Variants in MEGF6 observed in about 807,000 individuals in gnomAD.
The protein encoded by MEGF6 is multiple epidermal growth factor-like domains protein 6.
Under a neutral mutation model 207.1 loss-of-function variants are expected in MEGF6, and 184 were observed. That is an observed-to-expected ratio of 0.89 (90% CI 0.79 to 1.00). MEGF6 has a LOEUF of 1.00. MEGF6 is among the 50% of genes least tolerant of loss of function. The probability of loss-of-function intolerance (pLI) is 0.00; values close to 1 mark genes in which losing one functional copy is unlikely to be tolerated. For synonymous variants in MEGF6, 1,038 were observed against 910.0 expected (o/e 1.14, Z -2.53); for missense variants, 2,282 against 2,202.9 (o/e 1.04, Z -0.72).
At position 3,494,450 on chromosome 1, in the gene MEGF6, G is replaced by T; in HGVS notation, c.4050C>A (p.Cys1350Ter). 1 of 1,574,010 alleles carries T rather than the reference G, an allele frequency of 6.4e-7. No homozygotes were observed. The highest frequency in any genetic ancestry group is 8.6e-7 in the Non-Finnish European group (1 of 1,164,626). Residue 1350 changes from cysteine to a stop codon, truncating the protein, a stop_gained, in exon 32 of 37, where the codon TGC becomes TGA. Transcript: ENST00000356575. LOFTEE classifies it high-confidence loss of function. ...YGAACHLECS[C>*]HNNSTCEPAT... ...CAGGCTCACACGTGCTGTTGTTGTG[G>T]CAGGAGCACTCCAGATGGCAGGCGG...
rs1389138979 is a variant in MEGF6 at position 3,498,743 on chromosome 1, G to A, written c.3178C>T (p.His1060Tyr). The change falls in exon 25 of 37, where the codon CAC (histidine) becomes TAC (tyrosine). Residue 1060 changes from histidine to tyrosine, a missense_variant. Physicochemically the swap from His to Tyr is moderately conservative, Grantham distance 83. Transcript: ENST00000356575. ...NGGTCDPVSG[H>Y]CACPEGWAGL... ...GCCCAGCCCTCTGGGCACGCACAGT[G>A]GCCTGAGACAGGGTCACAGGTCCCT... The A allele has an allele frequency of 6.4e-7, 1 of 1,565,208 alleles. No individual in the cohort carries two copies. The highest frequency in any genetic ancestry group is 8.6e-7 in the Non-Finnish European group (1 of 1,156,600).
intron 6 of MEGF6, among the ~76,000 whole-genome samples, chr1:3,515,026 C>T (rs1641491965): frequency 6.6e-6 from 1 of 152,192 alleles, no homozygotes; most frequent in Non-Finnish European, 1.5e-5. Context: ...CCCAGAGGCC[C>T]AGGTGGGGGC....
intron 4 of MEGF6, among the ~76,000 whole-genome samples, chr1:3,536,109 A>G (rs911242408): frequency 6.6e-6 from 1 of 152,136 alleles, no homozygotes; most frequent in Admixed American, 6.5e-5. Context: ...CTGGCAGTCT[A>G]GACACTCACC....
intron 4 of MEGF6, among the ~76,000 whole-genome samples, chr1:3,524,548 G>A (rs1641888872): frequency 6.6e-6 from 1 of 152,346 alleles, no homozygotes; most frequent in East Asian, 1.9e-4. Flanking sequence ...TGAACCGGGA[G>A]CGCACGCGGT....
intron 30 of MEGF6, 112 bp from the exon 31 acceptor site, chr1:3,494,853 C>G: frequency 1.4e-6 from 2 of 1,409,544 alleles, no homozygotes; most frequent in Non-Finnish European, 1.9e-6. Flanking sequence ...TGAGGCCCAT[C>G]AGTGCCAGTC....
chr1:3,508,694 G>C lies in MEGF6; in HGVS notation c.1529-5C>G. On this transcript the variant is annotated splice_polypyrimidine_tract_variant and splice_region_variant and intron_variant, in intron 12 of 36. Transcript: ENST00000356575. ...CAAAGGAGTCATCCAGGCAGACTGG[G>C]GGCAGACCAGGATGGGGGGATTCAG... 1 of 1,612,800 alleles carries C rather than the reference G, an allele frequency of 6.2e-7. No individual in the cohort carries two copies. Among genetic ancestry groups the C allele is most frequent in the Non-Finnish European group, 8.5e-7 (1 of 1,179,740 alleles).
At chr1:3,596,853 A>G (rs1210790953) in intron 2 of MEGF6, among the ~76,000 whole-genome samples, 2 of 151,860 alleles carry the variant, frequency 1.3e-5, no homozygotes, top group Non-Finnish European at 2.9e-5. Flanking sequence ...ACAAACCTAG[A>G]GCAGAGGGAA....
rs1411525440 is a variant in MEGF6, at chr1:3,490,082, T to G, written c.*446A>C. The G allele has an allele frequency of 5.6e-6, 1 of 177,244 alleles. No homozygotes were observed. The highest frequency in any genetic ancestry group is 2.4e-5 in the African/African-American group (1 of 41,690). The allele number at this position is 177,244 out of a possible 1,614,324, so 11.0% of individuals were successfully genotyped here. A position where few individuals can be genotyped will look rare whatever the true frequency, so the allele number is the denominator to read the frequency against. On this transcript the variant is annotated 3_prime_UTR_variant, in exon 37 of 37. Coordinates refer to ENST00000356575, the MANE Select transcript of MEGF6 (RefSeq NM_001409.4). The stretch of plus-strand genomic sequence containing the variant: ...CCAGGGCTGCAGCGGGCATGTGCAG[T>G]GGCCCATAAATACCTTTACATAAAT...
chr1:3,495,592 C>A (rs1404014401), intron 30 of MEGF6, among the ~76,000 whole-genome samples: 1 of 152,202 alleles, frequency 6.6e-6, no homozygotes, highest in African/African-American at 2.4e-5. Context: ...TGGGTAGGAA[C>A]CTGCAGCCCC....
intron 30 of MEGF6, among the ~76,000 whole-genome samples, chr1:3,495,468 G>A (rs1390893849): frequency 6.6e-6 from 1 of 152,118 alleles, no homozygotes; most frequent in Admixed American, 6.5e-5. Context: ...TGTGCTCTAG[G>A]CCCACTTCCA....
chr1:3,522,933 C>T (rs1315754238), intron 5 of MEGF6, among the ~76,000 whole-genome samples: 2 of 152,342 alleles, frequency 1.3e-5, no homozygotes, highest in East Asian at 3.9e-4. Flanking sequence ...CGCAGGGCAG[C>T]GGGCTGGGGC....
At chr1:3,541,803 C>A (rs542116715) in intron 4 of MEGF6, among the ~76,000 whole-genome samples, 2 of 152,000 alleles carry the variant, frequency 1.3e-5, no homozygotes, top group Non-Finnish European at 2.9e-5. Context: ...GACAGACTCC[C>A]GGGCACAGGG....
intron 35 of MEGF6, among the ~76,000 whole-genome samples, chr1:3,492,295 G>A (rs1640406225): frequency 6.6e-6 from 1 of 152,150 alleles, no homozygotes; most frequent in African/African-American, 2.4e-5. Context: ...CACTGTGGAT[G>A]GTCCAGCCCA....
intron 2 of MEGF6, among the ~76,000 whole-genome samples, chr1:3,597,143 G>A (rs1644080478): frequency 6.6e-6 from 1 of 152,366 alleles, no homozygotes; most frequent in African/African-American, 2.4e-5. Context: ...CAGGGAGCTG[G>A]TTCACGCAGG....
chr1:3,496,020 T>C lies in MEGF6; in HGVS notation c.3743-2A>G, dbSNP rs1355193270. 4.0e-6 allele frequency: 6 copies of C among 1,516,456 alleles called. No homozygotes were observed. Among genetic ancestry groups the C allele is most frequent in the South Asian group, 1.3e-5 (1 of 79,132 alleles). 93.9% of individuals were successfully genotyped at this position (1,516,456 alleles called of 1,614,324 possible). A position where few individuals can be genotyped will look rare whatever the true frequency, so the allele number is the denominator to read the frequency against. ...GGCCGAAGCGGCCCTGCGGACAGGC[T>C]GCCGGGGAGGAAGTGGTGATCGTGG... On this transcript the variant is annotated splice_acceptor_variant, in intron 29 of 36. Transcript: ENST00000356575. LOFTEE classifies it high-confidence loss of function.
At chr1:3,541,138 C>T (rs958763271) in intron 4 of MEGF6, among the ~76,000 whole-genome samples, 64 of 152,280 alleles carry the variant, frequency 4.2e-4, no homozygotes, top group South Asian at 1.7e-3. Context: ...GCTCTGACTC[C>T]GCAAATGCTC....
chr1:3,549,594 G>A (rs1425674555), intron 4 of MEGF6, among the ~76,000 whole-genome samples: 1 of 152,172 alleles, frequency 6.6e-6, no homozygotes, highest in Admixed American at 6.5e-5. Flanking sequence ...CATGCAGAAG[G>A]GTCCATCAAT....
At chr1:3,535,534 G>T (rs184409427) in intron 4 of MEGF6, among the ~76,000 whole-genome samples, 1 of 152,146 alleles carries the variant, frequency 6.6e-6, no homozygotes, top group South Asian at 2.1e-4. Flanking sequence ...TCCCGTAGCC[G>T]GGAGTCCCCC....
intron 4 of MEGF6, among the ~76,000 whole-genome samples, chr1:3,527,761 CCT>C (rs1642015455): frequency 3.3e-5 from 5 of 152,270 alleles, no homozygotes; most frequent in Admixed American, 2.0e-4. Context: ...ACCCTTTCCC[CCT>C]GAGCTCAGAT....
Sources: gnomAD v4.1 joint callset for allele counts (sites outside exome capture counted in the v4.1 genomes callset) on GRCh38, gnomAD v4.1.1 for gene constraint, MANE v1.5 for transcripts, NCBI Gene and HGNC (gene_info 2026-07-23, HGNC 2026-07-21) for gene names.